Variants in PLEKHM2 observed in about 807,000 individuals in gnomAD.
PLEKHM2 encodes the protein pleckstrin homology domain-containing family M member 2.
In PLEKHM2, 77 loss-of-function variants were observed where a neutral mutation model predicts 116.3. The observed-to-expected ratio is 0.66, with a 90% CI of 0.55 to 0.80. The LOEUF (loss-of-function observed/expected upper bound fraction) is 0.80, where lower values mean the gene tolerates loss of function less well. Ranked by LOEUF, PLEKHM2 falls within the 30% of genes least tolerant of loss-of-function variation. The pLI is 0.00. For missense variants in PLEKHM2, 1,183 were observed against 1,354.9 expected (o/e 0.87, Z 1.99); for synonymous variants, 562 against 571.0 (o/e 0.98, Z 0.22).
At chr1:15,714,464 C>T (rs1031658625) in intron 1 of PLEKHM2, among the ~76,000 whole-genome samples, 4 of 151,624 alleles carry the variant, frequency 2.6e-5, no homozygotes, top group African/African-American at 9.7e-5. Flanking sequence ...CAGGCTTATT[C>T]CTCTTTCTTT....
rs1285503472 is a variant in PLEKHM2 at position 15,728,362 on chromosome 1, C to T, written c.1921+5C>T. On this transcript the variant is annotated splice_donor_5th_base_variant and intron_variant, in intron 11 of 19. Transcript: ENST00000375799. The surrounding 1 kb of genome is among the most constrained non-coding windows in gnomAD (Gnocchi z 5.9). ...ATGTCTACCTGCTCCGGAAAGGTGC[C>T]CGCCGCCCCCGGGCAGACAGCGGGT... The T allele has an allele frequency of 6.2e-7, 1 of 1,610,502 alleles. No homozygotes were observed. Among genetic ancestry groups the T allele is most frequent in the Non-Finnish European group, 8.5e-7 (1 of 1,178,194 alleles).
chr1:15,726,878 C>G, intron 8 of PLEKHM2, 136 bp from the exon 9 acceptor site: 1 of 567,794 alleles, frequency 1.8e-6, no homozygotes. Flanking sequence ...CTCCACCCAG[C>G]ACTGCCTAGG....
In PLEKHM2 at chr1:15,728,699, A is replaced by C. The variant is rs771952544; in HGVS notation, c.1952A>C (p.Glu651Ala). The change falls in exon 12 of 20, where the codon GAG becomes GCG. Residue 651 changes from glutamate (E) to alanine (A), a missense_variant. Glu to Ala is a moderately radical substitution (Grantham distance 107). Transcript: ENST00000375799. This position sits in a 1 kb window ranked among gnomAD's most constrained non-coding sequence, Gnocchi z 5.9. ...GATEKPYLVE[E>A]AVSYNELDYV... ...ACAGAGAAGCCATACCTGGTGGAAG[A>C]GGCCGTTTCTTACAATGAACTTGAC... The C allele has an allele frequency of 1.2e-6, 2 of 1,611,670 alleles. No homozygotes were observed. Among genetic ancestry groups the C allele is most frequent in the Non-Finnish European group, 1.7e-6 (2 of 1,178,968 alleles).
At position 15,719,250 on chromosome 1, in the gene PLEKHM2, G is replaced by A. The variant is rs1252480127; in HGVS notation, c.466-484G>A. ...GGATCACCTGAGGTCAGGAGTTCGA[G>A]ACCAGCCTGGCCAACATGGCGAAAC... is the stretch of plus-strand genomic sequence containing the variant. On this transcript the variant is annotated intron_variant, in intron 5 of 19. Coordinates refer to ENST00000375799, the MANE Select transcript of PLEKHM2 (RefSeq NM_015164.4). The surrounding 1 kb of genome is among the most constrained non-coding windows in gnomAD (Gnocchi z 4.1). Among the ~76,000 whole-genome samples, 2 of 152,158 alleles carry A rather than the reference G, an allele frequency of 1.3e-5. No individual in the cohort carries two copies. The highest frequency in any genetic ancestry group is 2.9e-5 in the Non-Finnish European group (2 of 68,028).
Position 15,729,218 on chromosome 1 carries a change from G to A in PLEKHM2, c.2075+28G>A. On this transcript the variant is annotated intron_variant, in intron 13 of 19. Transcript: ENST00000375799. The surrounding 1 kb of genome is among the most constrained non-coding windows in gnomAD (Gnocchi z 4.7). ...GAGTGGCAACCCCGCCCCTCTGGAA[G>A]GATTGGAGAGTTCGCAGCCGCCCAT... 2 of 1,588,992 alleles carry A rather than the reference G, an allele frequency of 1.3e-6. No individual in the cohort carries two copies. Among genetic ancestry groups the A allele is most frequent in the Non-Finnish European group, 1.7e-6 (2 of 1,165,136 alleles).
At position 15,716,836 on chromosome 1, in the gene PLEKHM2, C is replaced by A; in HGVS notation, c.277+20C>A. 6.4e-7 allele frequency: 1 copy of A among 1,553,148 alleles called. No individual in the cohort carries two copies. The highest frequency in any genetic ancestry group is 8.7e-7 in the Non-Finnish European group (1 of 1,148,042). On this transcript the variant is annotated intron_variant, in intron 3 of 19. Transcript: ENST00000375799. ...GGCGCAGTGAGTAGTCACAAGGAGA[C>A]GCTGGGGAAGGGACCAGCTCCACCT...
chr1:15,705,355 G>A lies in PLEKHM2; in HGVS notation c.61-10882G>A, dbSNP rs570567236. On this transcript the variant is annotated intron_variant, in intron 1 of 19. Transcript: ENST00000375799. ...TGCCATCATGTCCGACTAATTTTTTGTATTTTTGCTGAGGTAGGGTTTTGC... is the reference window on the plus strand; with the variant it reads ...TGCCATCATGTCCGACTAATTTTTTATATTTTTGCTGAGGTAGGGTTTTGC... Among the ~76,000 whole-genome samples, 12 of 151,478 alleles carry A rather than the reference G, an allele frequency of 7.9e-5. No individual in the cohort carries two copies. The East Asian group carries it at 2.3e-3, about 29-fold the overall frequency.
intron 1 of PLEKHM2, among the ~76,000 whole-genome samples, chr1:15,686,871 C>T (rs913920655): frequency 3.9e-5 from 6 of 151,902 alleles, no homozygotes; most frequent in African/African-American, 1.5e-4. Flanking sequence ...GGGATGGTCT[C>T]GATCTCCTCA....
At chr1:15,702,195 G>A (rs1264323751) in intron 1 of PLEKHM2, among the ~76,000 whole-genome samples, 5 of 152,194 alleles carry the variant, frequency 3.3e-5, no homozygotes, top group African/African-American at 1.2e-4. Flanking sequence ...GGTGGGCAGT[G>A]GCATGTCACT....
Position 15,728,211 on chromosome 1 carries a change from C to G in PLEKHM2, c.1831-56C>G. On this transcript the variant is annotated intron_variant, in intron 10 of 19. Coordinates refer to ENST00000375799, the MANE Select transcript of PLEKHM2 (RefSeq NM_015164.4). This position sits in a 1 kb window ranked among gnomAD's most constrained non-coding sequence, Gnocchi z 5.9. Reference sequence around the variant, plus strand: ...AAGGGCAAGGCGGGATGGGCCACCGCCCCCGCTGGAGCGGCAGGAGCCACC... The same window carrying G: ...AAGGGCAAGGCGGGATGGGCCACCGGCCCCGCTGGAGCGGCAGGAGCCACC... The G allele has an allele frequency of 6.2e-7, 1 of 1,602,258 alleles. No individual in the cohort carries two copies. Among genetic ancestry groups the G allele is most frequent in the Non-Finnish European group, 8.5e-7 (1 of 1,172,358 alleles).
chr1:15,711,885 G>T (rs528044783), intron 1 of PLEKHM2, among the ~76,000 whole-genome samples: 1 of 152,066 alleles, frequency 6.6e-6, no homozygotes, highest in Non-Finnish European at 1.5e-5. Flanking sequence ...TTGGGAGGCT[G>T]AGGCGGGTGG....
rs961466940 is a variant in PLEKHM2 at position 15,728,611 on chromosome 1, G to A, written c.1922-58G>A. ...AGGGGGCTGTGTCTAAGAAAATGGG[G>A]CAGGGGGAGGGAAAAGAGGCCTGTG... On this transcript the variant is annotated intron_variant, in intron 11 of 19. Coordinates refer to ENST00000375799, the MANE Select transcript of PLEKHM2 (RefSeq NM_015164.4). This position sits in a 1 kb window ranked among gnomAD's most constrained non-coding sequence, Gnocchi z 5.9. 1.0e-5 allele frequency: 15 copies of A among 1,450,326 alleles called. No individual in the cohort carries two copies. The highest frequency in any genetic ancestry group is 7.1e-5 in the East Asian group (3 of 42,072). 89.8% of individuals were successfully genotyped at this position (1,450,326 alleles called of 1,614,324 possible). A position where few individuals can be genotyped will look rare whatever the true frequency, so the allele number is the denominator to read the frequency against.
intron 1 of PLEKHM2, among the ~76,000 whole-genome samples, chr1:15,689,309 A>G (rs1424888050): frequency 1.3e-5 from 2 of 152,006 alleles, no homozygotes; most frequent in Non-Finnish European, 2.9e-5. Context: ...AGAAGCAGGC[A>G]TTCAAGACAG....
At position 15,729,283 on chromosome 1, in the gene PLEKHM2, G is replaced by A; in HGVS notation, c.2075+93G>A. On this transcript the variant is annotated intron_variant, in intron 13 of 19. Coordinates refer to ENST00000375799, the MANE Select transcript of PLEKHM2 (RefSeq NM_015164.4). This position sits in a 1 kb window ranked among gnomAD's most constrained non-coding sequence, Gnocchi z 4.7. The stretch of plus-strand genomic sequence containing the variant: ...TGGGGGTCAGGGGTGGAGGTGGAAA[G>A]TGGGAGATCCAGGAGGGGAAACCAG... The A allele has an allele frequency of 9.5e-7, 1 of 1,047,664 alleles. No individual in the cohort carries two copies. The highest frequency in any genetic ancestry group is 1.5e-6 in the Non-Finnish European group (1 of 687,554). 64.9% of individuals were successfully genotyped at this position (1,047,664 alleles called of 1,614,324 possible).
chr1:15,707,545 A>G (rs1264711600), intron 1 of PLEKHM2, among the ~76,000 whole-genome samples: 5 of 152,174 alleles, frequency 3.3e-5, no homozygotes, highest in Non-Finnish European at 7.3e-5. Context: ...TCCCCTAGCC[A>G]CCCTGCCCTA....
rs780927725 is a variant in PLEKHM2 at position 15,727,441 on chromosome 1, G to A, written c.1369G>A (p.Gly457Arg). The A allele has an allele frequency of 5.0e-6, 8 of 1,606,048 alleles. No homozygotes were observed. In the South Asian group the frequency reaches 7.8e-5, roughly 16 times the overall value. The change falls in exon 9 of 20, where the codon GGG becomes AGG. Residue 457 changes from glycine (G) to arginine (R), a missense_variant. Around this residue, in one of 3 missense-constraint regions of PLEKHM2, gnomAD observed 372 missense variants for 357.2 expected, o/e 1.04. Transcript: ENST00000375799. This position sits in a 1 kb window ranked among gnomAD's most constrained non-coding sequence, Gnocchi z 7.5. ...ERPPLCDFSE[G>R]LSAPMDFYRF... ...GCCGCCGCTTTGCGACTTTAGTGAG[G>A]GGCTTTCAGCCCCAATGGACTTCTA... is the stretch of plus-strand genomic sequence containing the variant.
chr1:15,694,751 G>T (rs1032467118), intron 1 of PLEKHM2, among the ~76,000 whole-genome samples: 2 of 143,146 alleles, frequency 1.4e-5, no homozygotes, highest in Admixed American at 6.8e-5. Context: ...TGTGTATTTT[G>T]TTTTGTTTTT....
chr1:15,692,602 C>T (rs1040036950), intron 1 of PLEKHM2, among the ~76,000 whole-genome samples: 34 of 152,072 alleles, frequency 2.2e-4, no homozygotes, highest in African/African-American at 7.5e-4. Flanking sequence ...TCACTTTTTT[C>T]GTTTTTTGGT....
intron 1 of PLEKHM2, among the ~76,000 whole-genome samples, chr1:15,711,744 A>C (rs900017182): frequency 2.0e-5 from 3 of 152,240 alleles, no homozygotes; most frequent in South Asian, 2.1e-4. Context: ...TAGGGCAAAA[A>C]AATGACAAGT....
Sources: allele counts gnomAD v4.1 joint callset (sites outside exome capture counted in the v4.1 genomes callset), GRCh38; gene constraint gnomAD v4.1.1; regional missense constraint gnomAD v4.1.1; non-coding constraint Gnocchi (gnomAD v3.1); transcripts MANE v1.5; gene names NCBI Gene and HGNC (gene_info 2026-07-23, HGNC 2026-07-21).